Variants in CAB39 observed in about 807,000 individuals in gnomAD.
The protein encoded by CAB39 is calcium binding protein 39, also known as calcium-binding protein 39.
A neutral mutation model predicts 40.0 loss-of-function variants in CAB39; 8 were observed. That is an observed-to-expected ratio of 0.20 (90% CI 0.12 to 0.36). The LOEUF is 0.36. Among genes scored for constraint, CAB39 ranks in the 10% least tolerant of loss-of-function variants. The pLI is 1.00. For missense variants in CAB39, 270 were observed against 401.1 expected (o/e 0.67, Z 2.79); for synonymous variants, 156 against 141.6 (o/e 1.10, Z -0.72).
chr2:230,727,451 A>G (rs1459423984), intron 1 of CAB39, among the ~76,000 whole-genome samples: 4 of 120,110 alleles, frequency 3.3e-5, no homozygotes, highest in South Asian at 2.4e-4. Flanking sequence ...GTCTTGCTCT[A>G]TCACCCACGC....
At chr2:230,751,024 T>C (rs1012742927) in intron 1 of CAB39, among the ~76,000 whole-genome samples, 2 of 152,246 alleles carry the variant, frequency 1.3e-5, no homozygotes, top group Admixed American at 6.5e-5. Context: ...TAAATAGTTA[T>C]TGTTTTAATT....
chr2:230,714,242 A>G (rs1694308846), intron 1 of CAB39, among the ~76,000 whole-genome samples: 1 of 152,198 alleles, frequency 6.6e-6, no homozygotes, highest in Admixed American at 6.5e-5. Flanking sequence ...CTCATTTCTC[A>G]GTGACTCATG....
chr2:230,799,501 G>A (rs1402096019), intron 5 of CAB39, among the ~76,000 whole-genome samples: 2 of 152,106 alleles, frequency 1.3e-5, no homozygotes, highest in East Asian at 1.9e-4. Context: ...GTGTATATTT[G>A]TATAAATTAA....
intron 2 of CAB39, among the ~76,000 whole-genome samples, chr2:230,782,540 G>A (rs1209487049): frequency 6.6e-6 from 1 of 151,880 alleles, no homozygotes; most frequent in Non-Finnish European, 1.5e-5. Context: ...CTGAAATGGA[G>A]CAAATACTCT....
At chr2:230,774,948 A>G (rs1190557226) in intron 2 of CAB39, among the ~76,000 whole-genome samples, 1 of 152,212 alleles carries the variant, frequency 6.6e-6, no homozygotes, top group Non-Finnish European at 1.5e-5. Flanking sequence ...AATACTTGGC[A>G]CCAACAGTAT....
intron 7 of CAB39, among the ~76,000 whole-genome samples, chr2:230,817,237 G>A (rs990948523): frequency 2.0e-5 from 3 of 152,176 alleles, no homozygotes; most frequent in African/African-American, 4.8e-5. Flanking sequence ...AAACCTTTCT[G>A]AATTAGCTGT....
At chr2:230,721,549 A>G (rs779265999) in intron 1 of CAB39, among the ~76,000 whole-genome samples, 3 of 152,236 alleles carry the variant, frequency 2.0e-5, no homozygotes, top group African/African-American at 7.2e-5. Flanking sequence ...AGTGATTTAC[A>G]TACCATGATA....
intron 5 of CAB39, among the ~76,000 whole-genome samples, chr2:230,801,463 C>T (rs542291447): frequency 2.0e-5 from 3 of 152,294 alleles, no homozygotes; most frequent in African/African-American, 7.2e-5. Flanking sequence ...TTCATGCTTT[C>T]CTTTGAGAAT....
At chr2:230,815,493 TGCAC>T (rs1353606994) in intron 7 of CAB39, among the ~76,000 whole-genome samples, 1 of 152,222 alleles carries the variant, frequency 6.6e-6, no homozygotes, top group African/African-American at 2.4e-5. Flanking sequence ...GTTATACAGA[TGCAC>T]ACAGTTCACT....
At chr2:230,793,540 G>A (rs1348143882) in intron 4 of CAB39, among the ~76,000 whole-genome samples, 1 of 152,058 alleles carries the variant, frequency 6.6e-6, no homozygotes, top group Admixed American at 6.5e-5. Context: ...TTTAAAATTA[G>A]GTGAATTCTG....
intron 1 of CAB39, chr2:230,725,005 A>T (rs900770744): frequency 1.9e-6 from 2 of 1,055,554 alleles, no homozygotes; most frequent in Non-Finnish European, 2.8e-6. Context: ...AGGGGAGAAA[A>T]CTCCCAAAAG....
intron 2 of CAB39, among the ~76,000 whole-genome samples, chr2:230,760,462 T>G (rs974273097): frequency 6.6e-6 from 1 of 152,180 alleles, no homozygotes; most frequent in Non-Finnish European, 1.5e-5. Context: ...AAGCGATCTT[T>G]CCGCCTCTGC....
At chr2:230,761,701 T>C (rs954339965) in intron 2 of CAB39, among the ~76,000 whole-genome samples, 3 of 152,198 alleles carry the variant, frequency 2.0e-5, no homozygotes, top group African/African-American at 7.2e-5. Context: ...TATTATCTTT[T>C]GGTATGTGCT....
At chr2:230,716,683 T>C (rs1365341533) in intron 1 of CAB39, among the ~76,000 whole-genome samples, 2 of 152,270 alleles carry the variant, frequency 1.3e-5, no homozygotes, top group African/African-American at 4.8e-5. Flanking sequence ...ATTATAGGCC[T>C]GACCACACTG....
intron 2 of CAB39, among the ~76,000 whole-genome samples, chr2:230,788,891 A>T (rs865780205): frequency 1.3e-5 from 2 of 152,056 alleles, no homozygotes; most frequent in African/African-American, 4.8e-5. Context: ...CTTGTTTCTC[A>T]TGCTTGGGAT....
chr2:230,814,004 T>C (rs1696353175), intron 6 of CAB39, 45 bp from the exon 7 acceptor site: 1 of 457,884 alleles, frequency 2.2e-6, no homozygotes, highest in African/African-American at 2.2e-5. Flanking sequence ...TTTTTTTTTT[T>C]TTTTTTTTGG....
rs757388040 is a variant in CAB39 at position 230,793,268 on chromosome 2, C to T, written c.335C>T (p.Thr112Met). The change falls in exon 4 of 9, where the codon ACG (threonine) becomes ATG (methionine). Residue 112 changes from threonine (T) to methionine (M), a missense_variant. By Grantham distance (81) the Thr-to-Met change is moderately conservative. Coordinates refer to ENST00000258418, the MANE Select transcript of CAB39 (RefSeq NM_016289.4). ...AATATTCTCAGAAGACAAATTGGTACGAGAACTCCTACTGTTGAATACATC... is the reference window on the plus strand; with the variant it reads ...AATATTCTCAGAAGACAAATTGGTATGAGAACTCCTACTGTTGAATACATC... ...FNNILRRQIG[T>M]RTPTVEYICT... 8.1e-6 allele frequency: 13 copies of T among 1,612,378 alleles called. No individual in the cohort carries two copies. The highest frequency in any genetic ancestry group is 1.6e-4 in the Middle Eastern group (1 of 6,078).
intron 1 of CAB39, among the ~76,000 whole-genome samples, chr2:230,731,795 G>A (rs189294668): frequency 1.3e-5 from 2 of 152,116 alleles, no homozygotes; most frequent in East Asian, 3.9e-4. Flanking sequence ...ATGCCCAGCT[G>A]AATTGTATGC....
chr2:230,750,727 G>A (rs924256850), intron 1 of CAB39, among the ~76,000 whole-genome samples: 42 of 152,090 alleles, frequency 2.8e-4, no homozygotes, highest in Admixed American at 2.7e-3. Flanking sequence ...AGAACAATAA[G>A]GTCATTCATT....
Sources: gnomAD v4.1 joint callset for allele counts (sites outside exome capture counted in the v4.1 genomes callset) on GRCh38, gnomAD v4.1.1 for gene constraint, MANE v1.5 for transcripts, NCBI Gene and HGNC (gene_info 2026-07-23, HGNC 2026-07-21) for gene names.